DCC: variants seen among roughly 807,000 people sequenced by gnomAD.
The protein encoded by DCC is netrin receptor DCC.
In DCC, 58 loss-of-function variants were observed where a neutral mutation model predicts 172.5. The observed-to-expected ratio is 0.34, with a 90% CI of 0.27 to 0.42. The LOEUF (loss-of-function observed/expected upper bound fraction) is 0.42, where lower values mean the gene tolerates loss of function less well. Ranked by LOEUF, DCC falls within the 10% of genes least tolerant of loss-of-function variation. The pLI, the probability that DCC is intolerant of heterozygous loss-of-function variation, is 1.00. For synonymous variants in DCC, 709 were observed against 644.5 expected (o/e 1.10, Z -1.52); for missense variants, 1,740 against 1,791.0 (o/e 0.97, Z 0.51).
chr18:53,432,047 T>C (rs1270028855), intron 21 of DCC, among the ~76,000 whole-genome samples: 3 of 152,132 alleles, frequency 2.0e-5, no homozygotes, highest in African/African-American at 7.2e-5. Flanking sequence ...AAAATAAATA[T>C]AACTATGAAA....
chr18:52,706,047 A>G (rs906034099), intron 1 of DCC, among the ~76,000 whole-genome samples: 3 of 152,202 alleles, frequency 2.0e-5, no homozygotes, highest in African/African-American at 7.2e-5. Context: ...ACAGCATTGT[A>G]GAAACATGTT....
chr18:52,530,589 T>C (rs538825183), intron 1 of DCC, among the ~76,000 whole-genome samples: 1 of 152,326 alleles, frequency 6.6e-6, no homozygotes, highest in Non-Finnish European at 1.5e-5. Flanking sequence ...ACTGGAACTT[T>C]TGTCTTTTTC....
At chr18:53,023,033 A>C (rs2041903130) in intron 5 of DCC, among the ~76,000 whole-genome samples, 2 of 152,074 alleles carry the variant, frequency 1.3e-5, no homozygotes, top group African/African-American at 4.8e-5. Context: ...CTGGTTGTTA[A>C]AAACTTATCA....
At chr18:52,567,229 C>T (rs572001653) in intron 1 of DCC, among the ~76,000 whole-genome samples, 1 of 152,082 alleles carries the variant, frequency 6.6e-6, no homozygotes, top group South Asian at 2.1e-4. Flanking sequence ...TTTTAGAAAC[C>T]AATTTGATAT....
chr18:53,473,975 A>T (rs900506707), intron 25 of DCC, among the ~76,000 whole-genome samples: 3 of 152,074 alleles, frequency 2.0e-5, no homozygotes, highest in African/African-American at 4.8e-5. Flanking sequence ...TCTCTTAGTG[A>T]CTTATTCTAC....
chr18:53,294,201 G>A (rs145551246), intron 12 of DCC, among the ~76,000 whole-genome samples: 6 of 152,208 alleles, frequency 3.9e-5, no homozygotes, highest in South Asian at 4.2e-4. Context: ...AGCATAATTC[G>A]GATAACATTT....
intron 8 of DCC, among the ~76,000 whole-genome samples, chr18:53,170,721 A>T (rs774304970): frequency 6.6e-6 from 1 of 152,182 alleles, no homozygotes; most frequent in Non-Finnish European, 1.5e-5. Context: ...TAATTCTTTC[A>T]GACATTGTGA....
chr18:53,025,953 GTT>G (rs897867906), intron 5 of DCC, among the ~76,000 whole-genome samples: 10 of 151,728 alleles, frequency 6.6e-5, no homozygotes, highest in Admixed American at 2.6e-4. Context: ...TCTTTATACT[GTT>G]TATAGATTTT....
chr18:52,598,104 ACCTTGTGTGG>A (rs1238209552), intron 1 of DCC, among the ~76,000 whole-genome samples: 2 of 152,106 alleles, frequency 1.3e-5, no homozygotes, highest in Non-Finnish European at 2.9e-5. Flanking sequence ...TATTTTCATG[ACCTTGTGTGG>A]CCCTTAAGCA....
intron 2 of DCC, among the ~76,000 whole-genome samples, chr18:52,753,432 G>T (rs983066641): frequency 2.0e-5 from 3 of 152,020 alleles, no homozygotes; most frequent in Admixed American, 2.0e-4. Context: ...ATCTAAGGGA[G>T]GACTTCTCAT....
At position 53,289,057 on chromosome 18, in the gene DCC, G is replaced by A. The variant is rs117874285; in HGVS notation, c.1912-16521G>A. Among the ~76,000 whole-genome samples the A allele has an allele frequency of 3.2e-3, 485 of 152,222 alleles. 2 individuals are homozygous for A. The highest frequency in any genetic ancestry group is 0.014 in the Middle Eastern group (4 of 294). On this transcript the variant is annotated intron_variant, in intron 12 of 28. Coordinates refer to ENST00000442544, the MANE Select transcript of DCC (RefSeq NM_005215.4). ...GATAGAATCCTTGATTTGCCAGGAG[G>A]CTGCAGTGGGTATCACTGTCAACCT...
intron 2 of DCC, among the ~76,000 whole-genome samples, chr18:52,839,031 G>A (rs535316677): frequency 1.3e-5 from 2 of 152,274 alleles, no homozygotes; most frequent in South Asian, 2.1e-4. Context: ...CAGAGGACAT[G>A]TGGAGCAATC....
chr18:52,601,156 C>T (rs943137856), intron 1 of DCC, among the ~76,000 whole-genome samples: 2 of 152,046 alleles, frequency 1.3e-5, no homozygotes, highest in Admixed American at 1.3e-4. Flanking sequence ...TGTATTAATT[C>T]AGTCATTTTT....
In DCC at chr18:53,168,834, G is replaced by A. The variant is rs565598172; in HGVS notation, c.1419-10128G>A. On this transcript the variant is annotated intron_variant, in intron 8 of 28. Transcript: ENST00000442544. ...TGCAGATGACTGTGCAAAGCTTTGG[G>A]CCACATCGTGAAGGTCTTTGAACCT... Among the ~76,000 whole-genome samples the A allele has an allele frequency of 7.8e-4, 118 of 152,146 alleles. 1 individual carries two copies. Among genetic ancestry groups the A allele is most frequent in the Non-Finnish European group, 1.1e-3 (72 of 68,000 alleles).
chr18:53,344,014 CT>C (rs1021582662), intron 15 of DCC, among the ~76,000 whole-genome samples: 3 of 151,716 alleles, frequency 2.0e-5, no homozygotes, highest in East Asian at 1.9e-4. Flanking sequence ...TTGTTCCTGT[CT>C]TTTTTTTGTG....
intron 7 of DCC, 107 bp downstream of exon 7, chr18:53,066,273 T>C: frequency 9.7e-7 from 1 of 1,031,060 alleles, no homozygotes; most frequent in Non-Finnish European, 1.5e-6. Context: ...TATGGCAATA[T>C]GAAATCATTT....
chr18:52,907,627 G>A (rs562514524), intron 3 of DCC, among the ~76,000 whole-genome samples: 2 of 152,022 alleles, frequency 1.3e-5, no homozygotes, highest in Non-Finnish European at 2.9e-5. Flanking sequence ...TATTGCCCAG[G>A]CTGGTCTCAA....
intron 2 of DCC, among the ~76,000 whole-genome samples, chr18:52,798,647 G>C (rs2037923754): frequency 6.6e-6 from 1 of 152,066 alleles, no homozygotes; most frequent in Non-Finnish European, 1.5e-5. Flanking sequence ...AGTTAGGCTA[G>C]GAAAAAAACC....
At chr18:52,483,554 G>A (rs149804316) in intron 1 of DCC, among the ~76,000 whole-genome samples, 4 of 152,028 alleles carry the variant, frequency 2.6e-5, no homozygotes, top group Admixed American at 2.6e-4. Flanking sequence ...CTTCTTGAAC[G>A]TTTTGAAGGC....
Sources: allele counts gnomAD v4.1 joint callset (sites outside exome capture counted in the v4.1 genomes callset), GRCh38; gene constraint gnomAD v4.1.1; transcripts MANE v1.5; gene names NCBI Gene and HGNC (gene_info 2026-07-23, HGNC 2026-07-21).